Variants in NREP observed in about 807,000 individuals in gnomAD.
NREP encodes neuronal regeneration related protein.
NREP carries 5 observed loss-of-function variants against 8.6 expected under a neutral mutation model. The observed-to-expected ratio is 0.58, with a 90% CI of 0.30 to 1.22. The LOEUF (loss-of-function observed/expected upper bound fraction) is 1.22, where lower values mean the gene tolerates loss of function less well. Among genes scored for constraint, NREP ranks in the 50% most tolerant of loss-of-function variants. NREP has a pLI of 0.07. For missense variants in NREP, 86 were observed against 82.5 expected (o/e 1.04, Z -0.17); for synonymous variants, 27 against 28.0 (o/e 0.96, Z 0.11).
At chr5:111,736,395 G>A (rs1483234289) in intron 2 of NREP, among the ~76,000 whole-genome samples, 2 of 152,182 alleles carry the variant, frequency 1.3e-5, no homozygotes, top group African/African-American at 4.8e-5. Flanking sequence ...ATTGAAAGCA[G>A]AGTGAAATTA....
chr5:111,805,893 T>C (rs946320928), intron 2 of NREP, among the ~76,000 whole-genome samples: 1 of 101,156 alleles, frequency 9.9e-6, no homozygotes, highest in African/African-American at 3.6e-5. Flanking sequence ...ATGTATGGCA[T>C]GCTTGAAAAT....
At chr5:111,917,494 CA>C (rs763082512) in intron 2 of NREP, among the ~76,000 whole-genome samples, 4 of 152,110 alleles carry the variant, frequency 2.6e-5, no homozygotes, top group Non-Finnish European at 4.4e-5. Flanking sequence ...AGCAGCACAT[CA>C]AAAAGCTTAT....
intron 2 of NREP, among the ~76,000 whole-genome samples, chr5:111,742,701 G>A (rs1749758919): frequency 6.6e-6 from 1 of 152,040 alleles, no homozygotes; most frequent in African/African-American, 2.4e-5. Context: ...ATGGTTCAAG[G>A]CCAGGTGCAG....
intron 2 of NREP, among the ~76,000 whole-genome samples, chr5:111,869,191 C>G (rs930889068): frequency 1.3e-5 from 2 of 152,136 alleles, no homozygotes; most frequent in Non-Finnish European, 2.9e-5. Context: ...GATATAGAAT[C>G]TCCACACTCA....
intron 2 of NREP, among the ~76,000 whole-genome samples, chr5:111,961,170 C>T (rs919360688): frequency 2.6e-5 from 4 of 152,166 alleles, no homozygotes; most frequent in East Asian, 1.9e-4. Context: ...TAGGCCAGAA[C>T]GAAGGTTCCC....
chr5:111,973,082 T>C (rs748778260), intron 2 of NREP, among the ~76,000 whole-genome samples: 1 of 152,144 alleles, frequency 6.6e-6, no homozygotes, highest in Non-Finnish European at 1.5e-5. Flanking sequence ...GGGAATTAAG[T>C]AGATGTGACC....
chr5:111,974,817 T>C (rs542771687), intron 2 of NREP, among the ~76,000 whole-genome samples: 35 of 152,340 alleles, frequency 2.3e-4, no homozygotes, highest in African/African-American at 8.2e-4. Context: ...AACATCATAT[T>C]TATCAAAACT....
chr5:111,782,773 C>T (rs907004927), intron 2 of NREP, among the ~76,000 whole-genome samples: 1 of 150,920 alleles, frequency 6.6e-6, no homozygotes, highest in African/African-American at 2.4e-5. Flanking sequence ...CTCGCTCTGT[C>T]ATCCAGGCTG....
At chr5:111,871,067 T>TGTGTGTG (rs1468440287) in intron 2 of NREP, among the ~76,000 whole-genome samples, 1 of 143,134 alleles carries the variant, frequency 7.0e-6, no homozygotes, top group Non-Finnish European at 1.6e-5. Flanking sequence ...TGTGTGTGTG[T>TGTGTGTG]GTGTGTGTGT....
At chr5:111,752,391 A>T (rs1750418253) in intron 2 of NREP, among the ~76,000 whole-genome samples, 1 of 152,166 alleles carries the variant, frequency 6.6e-6, no homozygotes, top group African/African-American at 2.4e-5. Flanking sequence ...GTGGTGAAAA[A>T]GACAGTACCA....
intron 2 of NREP, among the ~76,000 whole-genome samples, chr5:111,876,569 G>T (rs138476945): frequency 6.6e-6 from 1 of 152,154 alleles, no homozygotes; most frequent in Non-Finnish European, 1.5e-5. Context: ...TGTGTGTACT[G>T]CACTCTTCAA....
At chr5:111,960,780 G>A (rs960503510) in intron 2 of NREP, among the ~76,000 whole-genome samples, 2 of 152,090 alleles carry the variant, frequency 1.3e-5, no homozygotes, top group Middle Eastern at 3.2e-3. Flanking sequence ...AGAAATAGAC[G>A]TCTATATATT....
At chr5:111,846,185 TA>T in intron 2 of NREP, 1 of 184,100 alleles carries the variant, frequency 5.4e-6, no homozygotes. Context: ...CTAGAACTAC[TA>T]AAAAACTTGC....
At chr5:111,792,160 A>T (rs1751764113) in intron 2 of NREP, among the ~76,000 whole-genome samples, 1 of 152,232 alleles carries the variant, frequency 6.6e-6, no homozygotes, top group Admixed American at 6.5e-5. Flanking sequence ...AGAAATTCAC[A>T]TATAATTGAT....
intron 2 of NREP, among the ~76,000 whole-genome samples, chr5:111,766,827 T>G (rs2112868640): frequency 6.6e-6 from 1 of 152,366 alleles, no homozygotes; most frequent in African/African-American, 2.4e-5. Context: ...TGAGTGAATT[T>G]TCCTCGGAAG....
At chr5:111,764,047 T>G (rs1751025946) in intron 2 of NREP, among the ~76,000 whole-genome samples, 1 of 152,236 alleles carries the variant, frequency 6.6e-6, no homozygotes, top group South Asian at 2.1e-4. Flanking sequence ...ATGCCATGGT[T>G]AAAACAAATT....
At chr5:111,972,227 A>G (rs1016244731) in intron 2 of NREP, among the ~76,000 whole-genome samples, 13 of 152,188 alleles carry the variant, frequency 8.5e-5, no homozygotes, top group African/African-American at 3.1e-4. Flanking sequence ...TAGAAAAGGA[A>G]AAAAATAACA....
chr5:111,767,464 G>A (rs1029509777), intron 2 of NREP, among the ~76,000 whole-genome samples: 4 of 152,132 alleles, frequency 2.6e-5, no homozygotes, highest in African/African-American at 4.8e-5. Context: ...GGACCCACAA[G>A]CATCATAAAC....
chr5:111,920,210 T>A (rs965163761), intron 2 of NREP, among the ~76,000 whole-genome samples: 1 of 152,144 alleles, frequency 6.6e-6, no homozygotes, highest in African/African-American at 2.4e-5. Flanking sequence ...ATCACTTTAG[T>A]GTGACAACTT....
Sources: allele counts gnomAD v4.1 joint callset (sites outside exome capture counted in the v4.1 genomes callset), GRCh38; gene constraint gnomAD v4.1.1; transcripts MANE v1.5; gene names NCBI Gene and HGNC (gene_info 2026-07-23, HGNC 2026-07-21).